LRMDA: variants seen among roughly 807,000 people sequenced by gnomAD.
LRMDA encodes leucine-rich melanocyte differentiation-associated protein.
Under a neutral mutation model 29.8 loss-of-function variants are expected in LRMDA, and 18 were observed. The observed-to-expected ratio is 0.60, with a 90% CI of 0.42 to 0.90. LRMDA has a LOEUF of 0.90. LRMDA is among the 40% of genes least tolerant of loss of function. The pLI is 0.00. For missense variants in LRMDA, 273 were observed against 273.9 expected (o/e 1.00, Z 0.02); for synonymous variants, 125 against 109.4 (o/e 1.14, Z -0.89).
At chr10:75,493,348 GGTGTGTGTGTGT>G (rs3220724) in intron 2 of LRMDA, among the ~76,000 whole-genome samples, 62 of 133,352 alleles carry the variant, frequency 4.6e-4, no homozygotes, top group African/African-American at 1.5e-3. Context: ...GTTGAGATTG[GGTGTGTGTGTGT>G]GTGTGTGTGT....
chr10:75,505,574 A>G (rs577523433), intron 2 of LRMDA, among the ~76,000 whole-genome samples: 3 of 152,308 alleles, frequency 2.0e-5, no homozygotes, highest in African/African-American at 7.2e-5. Context: ...TCTCTCCTGC[A>G]TCCCATCTCA....
intron 2 of LRMDA, among the ~76,000 whole-genome samples, chr10:75,788,079 T>C (rs1028719702): frequency 6.6e-6 from 1 of 152,152 alleles, no homozygotes; most frequent in African/African-American, 2.4e-5. Flanking sequence ...TGGGTGCATG[T>C]AATCCTAGCT....
intron 3 of LRMDA, among the ~76,000 whole-genome samples, chr10:76,043,322 A>G (rs1248896816): frequency 6.6e-6 from 1 of 152,206 alleles, no homozygotes; most frequent in Admixed American, 6.5e-5. Flanking sequence ...AGCCATTCCT[A>G]CTGATACTGT....
At chr10:76,106,603 G>A (rs1310172628) in intron 5 of LRMDA, among the ~76,000 whole-genome samples, 1 of 152,206 alleles carries the variant, frequency 6.6e-6, no homozygotes, top group Non-Finnish European at 1.5e-5. Context: ...CCTGACAGGG[G>A]TTATTTTTTC....
intron 2 of LRMDA, among the ~76,000 whole-genome samples, chr10:75,701,021 C>T (rs766483932): frequency 2.0e-5 from 3 of 152,188 alleles, no homozygotes; most frequent in Admixed American, 6.5e-5. Flanking sequence ...CTCATCTCCT[C>T]GGCATTGGAG....
chr10:76,014,915 C>T (rs1847857111), intron 2 of LRMDA, among the ~76,000 whole-genome samples: 1 of 152,338 alleles, frequency 6.6e-6, no homozygotes, highest in Admixed American at 6.5e-5. Flanking sequence ...AATATCCACT[C>T]CCTCTAGGAA....
At chr10:75,839,700 CTTTTT>C (rs1160178913) in intron 2 of LRMDA, among the ~76,000 whole-genome samples, 1 of 82,796 alleles carries the variant, frequency 1.2e-5, no homozygotes, top group Middle Eastern at 7.6e-3. Flanking sequence ...ATCCGACTTT[CTTTTT>C]TTTTTTTTTT....
chr10:76,135,768 TTTC>T lies in LRMDA; in HGVS notation c.516+76988_516+76990del, dbSNP rs1487870244. Among the ~76,000 whole-genome samples, 29 of 147,350 alleles carry T rather than the reference TTTC, an allele frequency of 2.0e-4. No individual in the cohort carries two copies. In the East Asian group the frequency reaches 5.1e-3, roughly 26 times the overall value. On this transcript the variant is annotated intron_variant, in intron 5 of 6. Coordinates refer to ENST00000611255, the MANE Select transcript of LRMDA (RefSeq NM_001305581.2). ...TGTCTGTCCTTGTGTTCAAATTTTC[TTTC>T]TTTTTTTTTTTTTTAAGGACATCAG...
At chr10:75,760,576 C>T (rs182879878) in intron 2 of LRMDA, among the ~76,000 whole-genome samples, 1 of 152,278 alleles carries the variant, frequency 6.6e-6, no homozygotes, top group East Asian at 1.9e-4. Context: ...CAGGGCCTTC[C>T]ATCACCACCA....
At chr10:76,166,796 T>G (rs1354101422) in intron 5 of LRMDA, among the ~76,000 whole-genome samples, 3 of 152,100 alleles carry the variant, frequency 2.0e-5, no homozygotes, top group Non-Finnish European at 2.9e-5. Context: ...GTGTATGTCT[T>G]GATGACTGAA....
chr10:76,400,580 A>G (rs965044115), intron 6 of LRMDA, among the ~76,000 whole-genome samples: 5 of 152,074 alleles, frequency 3.3e-5, no homozygotes, highest in African/African-American at 4.8e-5. Flanking sequence ...CTGTTTTCCA[A>G]TTCTCCTTCC....
chr10:76,355,110 T>C (rs1044297376), intron 6 of LRMDA, among the ~76,000 whole-genome samples: 2 of 152,122 alleles, frequency 1.3e-5, no homozygotes, highest in African/African-American at 4.8e-5. Context: ...ATAAAATAAG[T>C]ATCAAACATG....
At chr10:75,992,315 A>G (rs1362256399) in intron 2 of LRMDA, among the ~76,000 whole-genome samples, 1 of 152,180 alleles carries the variant, frequency 6.6e-6, no homozygotes, top group African/African-American at 2.4e-5. Flanking sequence ...AAAGATGTAC[A>G]TGTAAAGTAG....
At chr10:76,469,274 G>A (rs1589200811) in intron 6 of LRMDA, among the ~76,000 whole-genome samples, 1 of 152,106 alleles carries the variant, frequency 6.6e-6, no homozygotes, top group Non-Finnish European at 1.5e-5. Flanking sequence ...AGAGCAGGCT[G>A]CCAACATTTC....
chr10:76,152,541 A>T (rs1850464671), intron 5 of LRMDA, among the ~76,000 whole-genome samples: 1 of 152,118 alleles, frequency 6.6e-6, no homozygotes, highest in Admixed American at 6.5e-5. Context: ...TTGATTATAT[A>T]CTTAGGAGTG....
intron 2 of LRMDA, among the ~76,000 whole-genome samples, chr10:75,946,129 G>A (rs543135191): frequency 3.3e-5 from 5 of 152,272 alleles, no homozygotes; most frequent in African/African-American, 1.2e-4. Context: ...GCACCATCGT[G>A]GGCCATTACT....
chr10:76,555,766 C>CAAAA (rs60428922), intron 6 of LRMDA, among the ~76,000 whole-genome samples: 1 of 124,836 alleles, frequency 8.0e-6, no homozygotes, highest in African/African-American at 2.9e-5. Flanking sequence ...ACAAATTAAC[C>CAAAA]AAAAAAAAAA....
intron 2 of LRMDA, among the ~76,000 whole-genome samples, chr10:75,736,517 T>C (rs1479007902): frequency 2.6e-5 from 4 of 152,208 alleles, no homozygotes; most frequent in African/African-American, 9.6e-5. Context: ...ATACTGTGAA[T>C]ACTGTTTATT....
intron 6 of LRMDA, among the ~76,000 whole-genome samples, chr10:76,395,226 C>G (rs773530527): frequency 6.6e-6 from 1 of 152,180 alleles, no homozygotes; most frequent in African/African-American, 2.4e-5. Flanking sequence ...TCTAGTCCTC[C>G]CTCAGCTCCA....
Sources: allele counts gnomAD v4.1 joint callset (sites outside exome capture counted in the v4.1 genomes callset), GRCh38; gene constraint gnomAD v4.1.1; transcripts MANE v1.5; gene names NCBI Gene and HGNC (gene_info 2026-07-23, HGNC 2026-07-21).